The following AGAP4 variants were observed in gnomAD, a reference collection of about 807,000 sequenced individuals.
AGAP4 encodes arf-GAP with GTPase, ANK repeat and PH domain-containing protein 4.
In AGAP4, 13 loss-of-function variants were observed where a neutral mutation model predicts 60.7. The ratio of observed to expected loss-of-function variants is 0.21; its 90% CI spans 0.14 to 0.34. The LOEUF is 0.34. AGAP4 is among the 10% of genes least tolerant of loss of function. AGAP4 has a pLI of 1.00. For missense variants in AGAP4, 169 were observed against 884.0 expected (o/e 0.19, Z 10.26); for synonymous variants, 70 against 339.0 (o/e 0.21, Z 8.72).
At chr10:45,832,001 C>G (rs2058739695) in intron 5 of AGAP4, among the ~76,000 whole-genome samples, 1 of 138,652 alleles carries the variant, frequency 7.2e-6, no homozygotes, top group Non-Finnish European at 1.6e-5. Context: ...CCTCTGCCTC[C>G]CAGGTTCAAG....
At chr10:45,830,421 C>A (rs1437069994) in intron 6 of AGAP4, among the ~76,000 whole-genome samples, 1 of 129,074 alleles carries the variant, frequency 7.7e-6, no homozygotes, top group South Asian at 3.1e-4. Flanking sequence ...ATCCACCCAC[C>A]TCGGCCTCCC....
upstream of AGAP4, chr10:45,848,923 T>C (rs1406441087): frequency 2.7e-5 from 4 of 150,400 alleles, no homozygotes; most frequent in Admixed American, 6.6e-5. Context: ...CTGTCAAACA[T>C]GTATAAAACC....
At chr10:45,841,594 A>G in intron 4 of AGAP4, 59 bp downstream of exon 4, 1 of 830,916 alleles carries the variant, frequency 1.2e-6, no homozygotes. Flanking sequence ...AAAGAAATCA[A>G]GAGAGACATC....
chr10:45,854,550 C>T (rs2135982987), upstream of AGAP4: 1 of 145,814 alleles, frequency 6.9e-6, no homozygotes, highest in East Asian at 2.0e-4. Context: ...AGGAGAATCC[C>T]TTGAACCTGG....
chr10:45,843,983 CT>C (rs1179600056), intron 3 of AGAP4, among the ~76,000 whole-genome samples: 2 of 149,634 alleles, frequency 1.3e-5, no homozygotes, highest in Non-Finnish European at 2.9e-5. Flanking sequence ...TTAAAATGTA[CT>C]TTTTGGAGCA....
At position 45,844,412 on chromosome 10, in the gene AGAP4, G is replaced by T; in HGVS notation, c.293-18C>A. The T allele has an allele frequency of 6.3e-7, 1 of 1,588,116 alleles. No homozygotes were observed. Among genetic ancestry groups the T allele is most frequent in the South Asian group, 1.1e-5 (1 of 89,830 alleles). ...CTCCAAAGCTATATGCATAGAGGAAGAAAAGAAAAAAAGATGTAATCATTG... is the reference window on the plus strand; with the variant it reads ...CTCCAAAGCTATATGCATAGAGGAATAAAAGAAAAAAAGATGTAATCATTG... On this transcript the variant is annotated intron_variant, in intron 2 of 7. Transcript: ENST00000616763.
chr10:45,830,409 T>C (rs1204992104), intron 6 of AGAP4, among the ~76,000 whole-genome samples: 1 of 130,934 alleles, frequency 7.6e-6, no homozygotes, highest in East Asian at 2.2e-4. Context: ...TGACCTCAAG[T>C]GATCCACCCA....
upstream of AGAP4, among the ~76,000 whole-genome samples, chr10:45,849,837 T>A (rs1313894759): frequency 1.3e-5 from 2 of 151,186 alleles, no homozygotes. Flanking sequence ...ACGGGGTTTC[T>A]GCACGTTGGT....
At chr10:45,849,790 G>A (rs1363563671), upstream of AGAP4, among the ~76,000 whole-genome samples, 28 of 151,038 alleles carry the variant, frequency 1.9e-4, no homozygotes, top group Admixed American at 1.1e-3. Flanking sequence ...GCAGGCATGC[G>A]CCACCATGCC....
chr10:45,830,731 C>A (rs1250262304), intron 6 of AGAP4, among the ~76,000 whole-genome samples: 1 of 130,576 alleles, frequency 7.7e-6, no homozygotes, highest in Non-Finnish European at 1.7e-5. Flanking sequence ...GTGATCCGCC[C>A]GCCTCAGCCT....
At chr10:45,844,608 A>T (rs1335223733) in intron 2 of AGAP4, 22 of 491,578 alleles carry the variant, frequency 4.5e-5, no homozygotes, top group Non-Finnish European at 7.0e-5. Context: ...AAATCACTTG[A>T]ACCCAGGTCA....
chr10:45,839,684 C>G lies in AGAP4; in HGVS notation c.396+1969G>C, dbSNP rs1372055077. Among the ~76,000 whole-genome samples, 4 of 113,688 alleles carry G rather than the reference C, an allele frequency of 3.5e-5. 1 individual carries two copies. The highest frequency in any genetic ancestry group is 7.5e-5 in the Non-Finnish European group (4 of 53,042). 74.6% of individuals were successfully genotyped at this position (113,688 alleles called of 152,430 possible). On this transcript the variant is annotated intron_variant, in intron 4 of 7. Transcript: ENST00000616763. ...GAAAAGCTAGTCAGGCTTCTAAGGCCTCACACTGAGTGCTATCAGTTAACA... is the reference window on the plus strand; with the variant it reads ...GAAAAGCTAGTCAGGCTTCTAAGGCGTCACACTGAGTGCTATCAGTTAACA...
At chr10:45,850,010 A>G (rs1326265253), upstream of AGAP4, among the ~76,000 whole-genome samples, 1 of 149,946 alleles carries the variant, frequency 6.7e-6, no homozygotes, top group Non-Finnish European at 1.5e-5. Context: ...TGCAACCTCC[A>G]CCTCCTGGGT....
intron 4 of AGAP4, among the ~76,000 whole-genome samples, chr10:45,838,052 A>G (rs2058851853): frequency 1.3e-5 from 2 of 150,904 alleles, no homozygotes; most frequent in African/African-American, 4.9e-5. Flanking sequence ...TCAATCAATG[A>G]GTGGATAAAG....
At chr10:45,834,935 G>A (rs1333203862) in intron 4 of AGAP4, among the ~76,000 whole-genome samples, 7 of 147,130 alleles carry the variant, frequency 4.8e-5, no homozygotes, top group Admixed American at 1.3e-4. Flanking sequence ...CACCGTGCCC[G>A]GCTAACTTTT....
intron 4 of AGAP4, among the ~76,000 whole-genome samples, chr10:45,836,933 C>T (rs1471712688): frequency 6.7e-6 from 1 of 148,770 alleles, no homozygotes; most frequent in African/African-American, 2.5e-5. Context: ...GTGTGGTGAT[C>T]TTGGCTCACT....
rs1343425535 is a variant in AGAP4 at position 45,831,428 on chromosome 10, C to A, written c.499G>T (p.Val167Leu). 45 of 1,587,724 alleles carry A rather than the reference C, an allele frequency of 2.8e-5. 2 individuals are homozygous for A. The Admixed American group carries it at 5.9e-4, about 21-fold the overall frequency. The change falls in exon 6 of 8, where the codon GTG becomes TTG. Residue 167 changes from valine (V) to leucine (L), a missense_variant and splice_region_variant. Val to Leu is a conservative substitution (Grantham distance 32). Coordinates refer to ENST00000616763, the MANE Select transcript of AGAP4 (RefSeq NM_001276343.3). The stretch of plus-strand genomic sequence containing the variant: ...ATATGATGAGGTATCTCCAAGGTCA[C>A]ACTGTGGAAGGAAAAAAATTCATAA... ...QHYLTMTIIS[V>L]TLEIPHHITQ...
chr10:45,851,580 T>C (rs2059084276), upstream of AGAP4, among the ~76,000 whole-genome samples: 1 of 151,342 alleles, frequency 6.6e-6, no homozygotes, highest in Non-Finnish European at 1.5e-5. Context: ...GGGCTTCTCT[T>C]CCCAAGTATT....
chr10:45,840,130 T>G (rs2058893616), intron 4 of AGAP4, among the ~76,000 whole-genome samples: 1 of 148,238 alleles, frequency 6.7e-6, no homozygotes, highest in African/African-American at 2.5e-5. Context: ...TTATAAAATT[T>G]CAGAACCTTA....
Sources: gnomAD v4.1 joint callset for allele counts (sites outside exome capture counted in the v4.1 genomes callset) on GRCh38, gnomAD v4.1.1 for gene constraint, MANE v1.5 for transcripts, NCBI Gene and HGNC (gene_info 2026-07-23, HGNC 2026-07-21) for gene names.